Variants in PLOD2 observed in about 807,000 individuals in gnomAD.
PLOD2 encodes procollagen-lysine,2-oxoglutarate 5-dioxygenase 2.
Under a neutral mutation model 101.0 loss-of-function variants are expected in PLOD2, and 65 were observed. The observed-to-expected ratio is 0.64, with a 90% CI of 0.53 to 0.79. The LOEUF (loss-of-function observed/expected upper bound fraction) is 0.79, where lower values mean the gene tolerates loss of function less well. PLOD2 is among the 30% of genes least tolerant of loss of function. PLOD2 has a pLI of 0.00. For missense variants in PLOD2, 909 were observed against 914.6 expected (o/e 0.99, Z 0.08); for synonymous variants, 314 against 302.9 (o/e 1.04, Z -0.38).
intron 1 of PLOD2, among the ~76,000 whole-genome samples, chr3:146,135,783 A>C (rs2031196806): frequency 6.6e-6 from 1 of 152,122 alleles, no homozygotes; most frequent in Admixed American, 6.6e-5. Flanking sequence ...TATTTCTTCG[A>C]GATATTTCCA....
At chr3:146,138,008 A>T (rs1559868190) in intron 1 of PLOD2, among the ~76,000 whole-genome samples, 1 of 152,096 alleles carries the variant, frequency 6.6e-6, no homozygotes, top group Non-Finnish European at 1.5e-5. Context: ...AGAAATGGAG[A>T]GGGATTCGTG....
chr3:146,151,212 C>T (rs2032039122), intron 1 of PLOD2, among the ~76,000 whole-genome samples: 1 of 152,150 alleles, frequency 6.6e-6, no homozygotes, highest in African/African-American at 2.4e-5. Flanking sequence ...AGTCAAGAGA[C>T]ATTGGCCAAG....
At chr3:146,108,797 T>C (rs1002484142) in intron 4 of PLOD2, among the ~76,000 whole-genome samples, 7 of 152,208 alleles carry the variant, frequency 4.6e-5, no homozygotes, top group African/African-American at 1.7e-4. Context: ...ACATCACTAT[T>C]TGAAATAAAT....
intron 1 of PLOD2, among the ~76,000 whole-genome samples, chr3:146,138,235 GC>G (rs1455351329): frequency 6.6e-6 from 1 of 151,906 alleles, no homozygotes; most frequent in Non-Finnish European, 1.5e-5. Context: ...GTTACTGTGT[GC>G]CTACTATGTG....
intron 11 of PLOD2, 85 bp from the exon 12 acceptor site, chr3:146,081,948 C>T (rs1241912996): frequency 8.1e-7 from 1 of 1,239,886 alleles, no homozygotes; most frequent in East Asian, 2.6e-5. Flanking sequence ...GTATTTTGGG[C>T]TTAGTATGAC....
At chr3:146,113,847 C>T (rs1165171902) in intron 3 of PLOD2, among the ~76,000 whole-genome samples, 1 of 152,146 alleles carries the variant, frequency 6.6e-6, no homozygotes, top group Non-Finnish European at 1.5e-5. Context: ...GGTCTGACTG[C>T]CTGAGAGCCG....
chr3:146,104,403 C>A (rs1202641757), intron 5 of PLOD2, 61 bp from the exon 6 acceptor site: 1 of 845,684 alleles, frequency 1.2e-6, no homozygotes, highest in Non-Finnish European at 2.1e-6. Context: ...ACATTCCTAT[C>A]ATATTAATAT....
intron 15 of PLOD2, 84 bp downstream of exon 15, chr3:146,076,698 A>G (rs1487418702): frequency 8.1e-6 from 6 of 741,640 alleles, no homozygotes; most frequent in African/African-American, 1.8e-5. Flanking sequence ...AAAAGCCTCT[A>G]ACCACATTTC....
In PLOD2 at chr3:146,071,360, C is replaced by A. The variant is rs1259824134; in HGVS notation, c.1912G>T (p.Asp638Tyr). ...PTDDIHMKQV[D>Y]LENVWLHFIR... is the part of the protein sequence containing the mutation. Reference sequence around the variant, plus strand: ...AAATGAAGCCATACATTCTCCAGATCAACTTGCTTCATGTGGATATCATCA... The same window carrying A: ...AAATGAAGCCATACATTCTCCAGATAAACTTGCTTCATGTGGATATCATCA... The change falls in exon 18 of 20, where the codon GAT becomes TAT. Residue 638 changes from aspartate (D) to tyrosine (Y), a missense_variant. Physicochemically the swap from Asp to Tyr is radical, Grantham distance 160 (BLOSUM62 -3). Transcript: ENST00000282903. The A allele has an allele frequency of 1.9e-6, 3 of 1,611,894 alleles. No homozygotes were observed. The Admixed American group carries it at 5.0e-5, about 27-fold the overall frequency.
Position 146,069,575 on chromosome 3 carries a change from C to A in PLOD2, c.*1142G>T, listed in dbSNP as rs1472759136. On this transcript the variant is annotated 3_prime_UTR_variant, in exon 20 of 20. Coordinates refer to ENST00000282903, the MANE Select transcript of PLOD2 (RefSeq NM_182943.3). ...AGTAGCTACAATAAGGATATTTCAA[C>A]CTTACTTAGAGAAGTGATAAAACAT... 1 of 152,034 alleles carries A rather than the reference C, an allele frequency of 6.6e-6. No individual in the cohort carries two copies. The highest frequency in any genetic ancestry group is 1.5e-5 in the Non-Finnish European group (1 of 67,858). The allele number at this position is 152,034 out of a possible 1,614,324, so 9.4% of individuals were successfully genotyped here.
chr3:146,151,515 G>A (rs1418115582), intron 1 of PLOD2, among the ~76,000 whole-genome samples: 3 of 151,726 alleles, frequency 2.0e-5, no homozygotes, highest in Non-Finnish European at 4.4e-5. Context: ...AAAAAGTCAA[G>A]AGACATCAAA....
rs142257234 is a variant in PLOD2 at position 146,095,166 on chromosome 3, T to C, written c.778-3265A>G. ...TCAGGACACAGGCATGGGCAAAGAC[T>C]TCACGACTAAAACACCAGAAACAAT... On this transcript the variant is annotated intron_variant, in intron 7 of 19. Coordinates refer to ENST00000282903, the MANE Select transcript of PLOD2 (RefSeq NM_182943.3). 1.3e-4 allele frequency among the ~76,000 whole-genome samples: 20 copies of C among 152,208 alleles called. No homozygotes were observed. In the East Asian group the frequency reaches 3.7e-3, roughly 28 times the overall value.
Position 146,106,558 on chromosome 3 carries a change from T to C in PLOD2, c.589A>G (p.Lys197Glu), listed in dbSNP as rs1280782073. 5.8e-6 allele frequency: 9 copies of C among 1,564,742 alleles called. No homozygotes were observed. Among genetic ancestry groups the C allele is most frequent in the African/African-American group, 1.4e-5 (1 of 74,056 alleles). ...DNDDDQLFYT[K>E]VYIDPLKREA... Reference sequence around the variant, plus strand: ...CTTTTCAGTGGATCAATGTAAACTTTAGTGTAAAAGAGCTGATCATCATCA... The same window carrying C: ...CTTTTCAGTGGATCAATGTAAACTTCAGTGTAAAAGAGCTGATCATCATCA... The change falls in exon 5 of 20, where the codon AAA becomes GAA. Residue 197 changes from lysine (K) to glutamate (E), a missense_variant. By Grantham distance (56) the Lys-to-Glu change is moderately conservative. Coordinates refer to ENST00000282903, the MANE Select transcript of PLOD2 (RefSeq NM_182943.3).
rs535642206 is a variant in PLOD2 at position 146,106,788 on chromosome 3, G to T, written c.503-144C>A. The T allele has an allele frequency of 1.5e-5, 10 of 679,930 alleles. No individual in the cohort carries two copies. In the East Asian group the frequency reaches 2.7e-4, roughly 18 times the overall value. 42.1% of individuals were successfully genotyped at this position (679,930 alleles called of 1,614,324 possible). On this transcript the variant is annotated intron_variant, in intron 4 of 19. Transcript: ENST00000282903. ...TGGAATTTCACAGCTCACCATGAAA[G>T]AAATATGAATTATTGAGTGCCCCTT... is the stretch of plus-strand genomic sequence containing the variant.
intron 9 of PLOD2, among the ~76,000 whole-genome samples, chr3:146,087,644 T>C (rs1936827926): frequency 6.6e-6 from 1 of 151,612 alleles, no homozygotes; most frequent in Admixed American, 6.6e-5. Flanking sequence ...AAATAACTTA[T>C]CACATAAAAG....
At chr3:146,141,693 T>C (rs1339724790) in intron 1 of PLOD2, among the ~76,000 whole-genome samples, 2 of 152,044 alleles carry the variant, frequency 1.3e-5, no homozygotes, top group Non-Finnish European at 2.9e-5. Context: ...AGGCACTCAA[T>C]AAATATTTTT....
intron 3 of PLOD2, among the ~76,000 whole-genome samples, chr3:146,113,180 AAC>A (rs762089638): frequency 1.4e-4 from 21 of 152,198 alleles, no homozygotes; most frequent in Admixed American, 4.6e-4. Context: ...TTTATAACAA[AAC>A]ACAATTATTT....
At chr3:146,078,446 T>G (rs1648751071) in intron 13 of PLOD2, among the ~76,000 whole-genome samples, 1 of 151,894 alleles carries the variant, frequency 6.6e-6, no homozygotes, top group Non-Finnish European at 1.5e-5. Flanking sequence ...GGAAATAAAA[T>G]AGCCCCATCA....
chr3:146,071,128 C>A lies in PLOD2; in HGVS notation c.2035G>T (p.Glu679Ter). The stretch of plus-strand genomic sequence containing the variant: ...TGAGGACGAAGAGAACGCTGTCGTT[C>A]AGGGGAGTATTTTACTACAAAATTC... Reference protein sequence around the residue: ...LLNFVVKYSPERQRSLRPHHD... With the variant: ...LLNFVVKYSP Residue 679 changes from glutamate to a stop codon, truncating the protein, a stop_gained, in exon 19 of 20, where the codon GAA becomes TAA. Transcript: ENST00000282903. LOFTEE classifies it high-confidence loss of function. 6.2e-7 allele frequency: 1 copy of A among 1,611,066 alleles called. No homozygotes were observed. Among genetic ancestry groups the A allele is most frequent in the South Asian group, 1.1e-5 (1 of 90,946 alleles).
Sources: gnomAD v4.1 joint callset for allele counts (sites outside exome capture counted in the v4.1 genomes callset) on GRCh38, gnomAD v4.1.1 for gene constraint, MANE v1.5 for transcripts, NCBI Gene and HGNC (gene_info 2026-07-23, HGNC 2026-07-21) for gene names.